Variants in ABI3BP observed in about 807,000 individuals in gnomAD.
ABI3BP encodes ABI family member 3 binding protein, also known as target of Nesh-SH3.
In ABI3BP, 216 loss-of-function variants were observed where a neutral mutation model predicts 268.6. That is an observed-to-expected ratio of 0.80 (90% CI 0.72 to 0.90). ABI3BP has a LOEUF of 0.90. Ranked by LOEUF, ABI3BP falls within the 40% of genes least tolerant of loss-of-function variation. The pLI is 0.00. For missense variants in ABI3BP, 2,090 were observed against 2,182.4 expected (o/e 0.96, Z 0.84); for synonymous variants, 730 against 730.0 (o/e 1.00, Z 0.00).
rs2085771582 is a variant in ABI3BP, at chr3:100,975,618, G to GGT, written c.79+17686_79+17687dup. Among the ~76,000 whole-genome samples the GGT allele has an allele frequency of 2.0e-5, 3 of 152,104 alleles. No homozygotes were observed. The South Asian group carries it at 6.2e-4, about 32-fold the overall frequency. ...CCTGAATGTTTTGCTTGTTTAATTA[G>GGT]GTGTGTGTACTGAGGGTGAATAAAG... On this transcript the variant is annotated intron_variant, in intron 1 of 67. Coordinates refer to ENST00000471714, the MANE Select transcript of ABI3BP (RefSeq NM_001375547.2).
chr3:100,894,112 A>C (rs555984789), intron 4 of ABI3BP, among the ~76,000 whole-genome samples: 6 of 152,230 alleles, frequency 3.9e-5, no homozygotes, highest in Non-Finnish European at 1.5e-5. Context: ...TGTGAAATGG[A>C]CAAGGAGAAG....
At chr3:100,833,268 A>G in intron 29 of ABI3BP, 111 bp from the exon 30 acceptor site, 2 of 970,326 alleles carry the variant, frequency 2.1e-6, no homozygotes, top group East Asian at 2.6e-5. Flanking sequence ...CGTTGGTTCT[A>G]TAGCCACAAA....
At chr3:100,904,975 G>A (rs915374503) in intron 2 of ABI3BP, among the ~76,000 whole-genome samples, 9 of 152,040 alleles carry the variant, frequency 5.9e-5, no homozygotes, top group Admixed American at 3.9e-4. Context: ...TGTTTATTGC[G>A]GCACTATTCA....
At chr3:100,921,993 C>T (rs565091116) in intron 2 of ABI3BP, among the ~76,000 whole-genome samples, 5 of 152,330 alleles carry the variant, frequency 3.3e-5, no homozygotes, top group South Asian at 4.1e-4. Context: ...ATATTTGCTT[C>T]GCAACTGAGG....
At chr3:100,839,711 A>G (rs2098662850) in intron 23 of ABI3BP, 95 bp from the exon 24 acceptor site, 1 of 1,303,042 alleles carries the variant, frequency 7.7e-7, no homozygotes, top group African/African-American at 1.5e-5. Flanking sequence ...TACCTAAATG[A>G]TGCATTTTTT....
Position 100,775,317 on chromosome 3 carries a change from G to A in ABI3BP, c.4352C>T (p.Pro1451Leu). ...PGSAGIISSG[P>L]ITTPPLRSTP... is the part of the protein sequence containing the mutation. Reference sequence around the variant, plus strand: ...TGACCTCAGGGGTGGTGTAGTTATTGGGCCTGATGAAATGATTCCTGTAAA... The same window carrying A: ...TGACCTCAGGGGTGGTGTAGTTATTAGGCCTGATGAAATGATTCCTGTAAA... Residue 1451 changes from proline to leucine, a missense_variant, in exon 60 of 68, where the codon CCA becomes CTA. Pro to Leu is a moderately conservative substitution (Grantham distance 98). Transcript: ENST00000471714. 6.2e-7 allele frequency: 1 copy of A among 1,606,310 alleles called. No individual in the cohort carries two copies. The highest frequency in any genetic ancestry group is 8.5e-7 in the Non-Finnish European group (1 of 1,176,002).
At position 100,835,587 on chromosome 3, in the gene ABI3BP, T is replaced by G; in HGVS notation, c.2191+14A>C. Reference sequence around the variant, plus strand: ...CAGAAAAAACTCATACTTAAAGACATAAGAGGTCATTACCTAATGTTGTCA... The same window carrying G: ...CAGAAAAAACTCATACTTAAAGACAGAAGAGGTCATTACCTAATGTTGTCA... On this transcript the variant is annotated intron_variant, in intron 28 of 67. Coordinates refer to ENST00000471714, the MANE Select transcript of ABI3BP (RefSeq NM_001375547.2). The G allele has an allele frequency of 2.0e-6, 3 of 1,528,392 alleles. No individual in the cohort carries two copies. Among genetic ancestry groups the G allele is most frequent in the Non-Finnish European group, 2.6e-6 (3 of 1,140,690 alleles). 94.7% of individuals were successfully genotyped at this position (1,528,392 alleles called of 1,614,324 possible).
At chr3:100,753,956 CAAAATGG>C in intron 64 of ABI3BP, 108 bp from the exon 65 acceptor site, 1 of 1,104,392 alleles carries the variant, frequency 9.1e-7, no homozygotes. Flanking sequence ...GTCTTATTTG[CAAAATGG>C]TACTCTTTTG....
At position 100,838,394 on chromosome 3, in the gene ABI3BP, A is replaced by G. The variant is rs1200215852; in HGVS notation, c.2008+8T>C. 53 of 1,535,108 alleles carry G rather than the reference A, an allele frequency of 3.5e-5. No individual in the cohort carries two copies. Among genetic ancestry groups the G allele is most frequent in the Non-Finnish European group, 4.3e-5 (49 of 1,146,116 alleles). Reference sequence around the variant, plus strand: ...TTTATAGATCAAGGCATTGAAAGTAATGATTACCAGGCTGAATTTGAGGTG... The same window carrying G: ...TTTATAGATCAAGGCATTGAAAGTAGTGATTACCAGGCTGAATTTGAGGTG... On this transcript the variant is annotated splice_region_variant and intron_variant, in intron 25 of 67. Coordinates refer to ENST00000471714, the MANE Select transcript of ABI3BP (RefSeq NM_001375547.2).
chr3:100,937,731 G>A (rs980281131), intron 1 of ABI3BP, among the ~76,000 whole-genome samples: 2 of 151,974 alleles, frequency 1.3e-5, no homozygotes, highest in South Asian at 2.1e-4. Context: ...CTCTAAGAAC[G>A]GACAATGCTA....
intron 67 of ABI3BP, among the ~76,000 whole-genome samples, 169 bp downstream of exon 67, chr3:100,751,383 C>T (rs573937474): frequency 6.6e-6 from 1 of 152,196 alleles, no homozygotes; most frequent in East Asian, 1.9e-4. Flanking sequence ...TTTCCCTTGG[C>T]TCCAGGTTTC....
chr3:100,926,168 G>T, intron 2 of ABI3BP, 134 bp downstream of exon 2: 1 of 874,358 alleles, frequency 1.1e-6, no homozygotes, highest in Non-Finnish European at 1.7e-6. Flanking sequence ...TTATGAAGAT[G>T]TCTTGTAATT....
rs111428132 is a variant in ABI3BP, at chr3:100,871,595, C to A, written c.910+3246G>T. 7.2e-3 allele frequency among the ~76,000 whole-genome samples: 1,097 copies of A among 152,272 alleles called. 6 individuals carry two copies. The highest frequency in any genetic ancestry group is 0.011 in the Admixed American group (174 of 15,294). ...AGATCTGATGGCTTTAAAAATGGGA[C>A]TTTGCCTGCACAAGAGCTCTCTTTT... On this transcript the variant is annotated intron_variant, in intron 9 of 67. Coordinates refer to ENST00000471714, the MANE Select transcript of ABI3BP (RefSeq NM_001375547.2).
rs999668247 is a variant in ABI3BP, at chr3:100,991,879, G to T, written c.79+1427C>A. Among the ~76,000 whole-genome samples the T allele has an allele frequency of 2.6e-5, 4 of 152,024 alleles. No individual in the cohort carries two copies. In the East Asian group the frequency reaches 5.8e-4, roughly 22 times the overall value. On this transcript the variant is annotated intron_variant, in intron 1 of 67. Coordinates refer to ENST00000471714, the MANE Select transcript of ABI3BP (RefSeq NM_001375547.2). ...AAGCACTGGGATTGTCCAGAAGTTT[G>T]CAGTAACAAAGTTGCACCTATATCA...
intron 65 of ABI3BP, among the ~76,000 whole-genome samples, chr3:100,753,327 TCTCA>T (rs2095439178): frequency 4.0e-5 from 6 of 151,664 alleles, no homozygotes; most frequent in Admixed American, 3.9e-4. Flanking sequence ...TGAGACAGGA[TCTCA>T]CTCTGTTGCC....
chr3:100,777,228 CT>C (rs1157783385), intron 59 of ABI3BP, among the ~76,000 whole-genome samples: 17 of 152,322 alleles, frequency 1.1e-4, no homozygotes, highest in African/African-American at 3.8e-4. Context: ...TCTTTCACAG[CT>C]GTTTTAACAC....
At chr3:100,886,418 G>T in intron 4 of ABI3BP, 95 bp from the exon 5 acceptor site, 2 of 931,226 alleles carry the variant, frequency 2.1e-6, no homozygotes, top group Non-Finnish European at 3.0e-6. Context: ...CAACCAACTT[G>T]GGATACTATT....
At position 100,754,702 on chromosome 3, in the gene ABI3BP, G is replaced by A; in HGVS notation, c.4851-11C>T. 6.4e-7 allele frequency: 1 copy of A among 1,567,052 alleles called. No individual in the cohort carries two copies. Among genetic ancestry groups the A allele is most frequent in the Non-Finnish European group, 8.7e-7 (1 of 1,153,828 alleles). ...ACCTGGAATTCATAACTGTTTAGGG[G>A]AAAATAAAAAAATACTTGTAATACA... On this transcript the variant is annotated splice_polypyrimidine_tract_variant and intron_variant, in intron 63 of 67. Transcript: ENST00000471714.
Position 100,832,344 on chromosome 3 carries a change from G to A in ABI3BP, c.2321C>T (p.Thr774Ile), listed in dbSNP as rs1329572223. The A allele has an allele frequency of 6.5e-7, 1 of 1,535,346 alleles. No individual in the cohort carries two copies. The highest frequency in any genetic ancestry group is 8.7e-7 in the Non-Finnish European group (1 of 1,146,378). The change falls in exon 31 of 68, where the codon ACA becomes ATA. Residue 774 changes from threonine to isoleucine, a missense_variant. By Grantham distance (89) the Thr-to-Ile change is moderately conservative. Transcript: ENST00000471714. Reference protein sequence around the residue: ...PITPGTSSAPTTTTKRTRRPH... With the variant: ...PITPGTSSAPITTTKRTRRPH... ...ACGACGGGTTCTTTTTGTTGTTGTTGTTGGAGCTGAAGGAAGAAAATTTAG... is the reference window on the plus strand; with the variant it reads ...ACGACGGGTTCTTTTTGTTGTTGTTATTGGAGCTGAAGGAAGAAAATTTAG...
Sources: gnomAD v4.1 joint callset for allele counts (sites outside exome capture counted in the v4.1 genomes callset) on GRCh38, gnomAD v4.1.1 for gene constraint, MANE v1.5 for transcripts, NCBI Gene and HGNC (gene_info 2026-07-23, HGNC 2026-07-21) for gene names.